Variants in COL4A4 observed in about 807,000 individuals in gnomAD.
COL4A4 encodes collagen alpha-4(IV) chain.
Under a neutral mutation model 192.9 loss-of-function variants are expected in COL4A4, and 105 were observed. The ratio of observed to expected loss-of-function variants is 0.54; its 90% CI spans 0.46 to 0.64. The LOEUF is 0.64. Ranked by LOEUF, COL4A4 falls within the 30% of genes least tolerant of loss-of-function variation. The pLI is 0.00. For synonymous variants in COL4A4, 762 were observed against 769.9 expected (o/e 0.99, Z 0.17); for missense variants, 1,967 against 2,169.3 (o/e 0.91, Z 1.85).
At chr2:227,047,210 G>C (rs1973080131) in intron 35 of COL4A4, among the ~76,000 whole-genome samples, 1 of 151,934 alleles carries the variant, frequency 6.6e-6, no homozygotes, top group Non-Finnish European at 1.5e-5. Context: ...GGCATGCCTG[G>C]GGAGTTTATT....
intron 1 of COL4A4, among the ~76,000 whole-genome samples, chr2:227,156,269 C>G (rs1014458181): frequency 1.3e-5 from 2 of 151,694 alleles, no homozygotes; most frequent in Non-Finnish European, 2.9e-5. Context: ...CTGGGTTGCA[C>G]GTGCCTGTAT....
the COL4A4 span, among the ~76,000 whole-genome samples, chr2:226,969,754 A>AT: frequency 6.6e-6 from 1 of 152,178 alleles, no homozygotes; most frequent in Non-Finnish European, 1.5e-5. Flanking sequence ...TTAAAAAGTT[A>AT]TTTTTTAAAT....
the COL4A4 span, chr2:226,996,140 T>C: frequency 1.3e-5 from 2 of 152,784 alleles, no homozygotes; most frequent in African/African-American, 2.4e-5. Context: ...TGAAGAAGTG[T>C]AAGAAAGACC....
intron 1 of COL4A4, among the ~76,000 whole-genome samples, chr2:227,149,600 A>G (rs541150115): frequency 6.6e-6 from 1 of 152,276 alleles, no homozygotes; most frequent in African/African-American, 2.4e-5. Flanking sequence ...GAAAACGCAA[A>G]TTTTTTGAAT....
intron 4 of COL4A4, among the ~76,000 whole-genome samples, chr2:227,129,784 C>T (rs1259587875): frequency 6.6e-6 from 1 of 152,152 alleles, no homozygotes; most frequent in Admixed American, 6.5e-5. Context: ...CTGTCTTGCA[C>T]AGTATAAATT....
At chr2:227,088,995 G>A (rs1221614610) in intron 21 of COL4A4, among the ~76,000 whole-genome samples, 179 bp from the exon 22 acceptor site, 2 of 152,198 alleles carry the variant, frequency 1.3e-5, no homozygotes, top group African/African-American at 4.8e-5. Context: ...TACATGGGGT[G>A]CCTAGGCATG....
chr2:227,135,420 T>C (rs2062749591), intron 4 of COL4A4, among the ~76,000 whole-genome samples: 1 of 152,222 alleles, frequency 6.6e-6, no homozygotes, highest in Non-Finnish European at 1.5e-5. Flanking sequence ...TGCTTATTTC[T>C]GACCCTACCT....
At chr2:227,047,659 G>A (rs141815494) in intron 34 of COL4A4, 110 bp from the exon 35 acceptor site, 43 of 723,864 alleles carry the variant, frequency 5.9e-5, no homozygotes, top group African/African-American at 5.2e-4. Context: ...GATATTTTAG[G>A]AGAGTGTTTT....
the COL4A4 span, among the ~76,000 whole-genome samples, chr2:226,993,917 A>G: frequency 2.6e-5 from 4 of 152,104 alleles, no homozygotes; most frequent in African/African-American, 9.7e-5. Context: ...AAAAGGTGCC[A>G]CTCTTGGGCA....
In COL4A4 at chr2:227,052,328, T is replaced by C. The variant is rs776605007; in HGVS notation, c.2945A>G (p.Asp982Gly). The change falls in exon 32 of 48, where the codon GAT becomes GGT. Residue 982 changes from aspartate to glycine, a missense_variant. Transcript: ENST00000396625. The part of the protein sequence containing the change: ...GTPGEPGPPG[D>G]DGFPGERGDK... ...ACCTCTTTCTCCTGGGAATCCATCA[T>C]CTCCAGGAGGTCCAGGTTCCCCAGG... 3.7e-6 allele frequency: 6 copies of C among 1,608,342 alleles called. No homozygotes were observed. The highest frequency in any genetic ancestry group is 5.1e-6 in the Non-Finnish European group (6 of 1,174,840).
rs1024093641 is a variant in COL4A4 at position 227,008,069 on chromosome 2, G to T, written c.4758C>A (p.Pro1586=). The T allele has an allele frequency of 6.2e-7, 1 of 1,614,054 alleles. No individual in the cohort carries two copies. The highest frequency in any genetic ancestry group is 2.2e-5 in the East Asian group (1 of 44,884). Residue 1586 remains proline, a synonymous_variant, in exon 47 of 48, where the codon CCC becomes CCA. Transcript: ENST00000396625. ...VAVHSQDQSI[P]PCPQTWRSLW... The stretch of plus-strand genomic sequence containing the variant: ...GGCTCCTCCAGGTCTGCGGACATGG[G>T]GGGATGGACTGGTCCTGGCTGTGCA...
intron 24 of COL4A4, among the ~76,000 whole-genome samples, chr2:227,079,232 C>CA (rs1169597543): frequency 1.3e-5 from 2 of 152,190 alleles, no homozygotes; most frequent in Non-Finnish European, 2.9e-5. Flanking sequence ...ATGTGGTCTA[C>CA]AACAGTCTTA....
intron 44 of COL4A4, among the ~76,000 whole-genome samples, chr2:227,021,720 G>C (rs1322329868): frequency 6.6e-6 from 1 of 152,180 alleles, no homozygotes; most frequent in Non-Finnish European, 1.5e-5. Context: ...AGCTACTCGG[G>C]AGGCTGAGGC....
chr2:227,024,851 T>C (rs953190304), intron 43 of COL4A4, among the ~76,000 whole-genome samples: 1 of 152,262 alleles, frequency 6.6e-6, no homozygotes, highest in Non-Finnish European at 1.5e-5. Flanking sequence ...CCATGAGTAA[T>C]GTCTGGCCCT....
Position 227,118,706 on chromosome 2 carries a change from C to T in COL4A4, c.428G>A (p.Gly143Asp). ...TGGAAACCCTGGGTCACCTCTTGAG[C>T]CATTGTGGCCACTCATACCAGGTTT... ...RGKPGMSGHN[G>D]SRGDPGFPGG... Residue 143 changes from glycine (G) to aspartate (D), a missense_variant, in exon 7 of 48, where the codon GGC becomes GAC. Coordinates refer to ENST00000396625, the MANE Select transcript of COL4A4 (RefSeq NM_000092.5). 2 of 1,614,026 alleles carry T rather than the reference C, an allele frequency of 1.2e-6. No homozygotes were observed. The highest frequency in any genetic ancestry group is 1.7e-6 in the Non-Finnish European group (2 of 1,180,008).
At chr2:227,085,678 C>A (rs930911426) in intron 22 of COL4A4, among the ~76,000 whole-genome samples, 4 of 152,120 alleles carry the variant, frequency 2.6e-5, no homozygotes, top group African/African-American at 9.7e-5. Flanking sequence ...CTTTGAACAA[C>A]CAGATCTCCT....
chr2:227,018,387 A>G (rs560768783), intron 44 of COL4A4, among the ~76,000 whole-genome samples: 1 of 152,346 alleles, frequency 6.6e-6, no homozygotes, highest in East Asian at 1.9e-4. Context: ...AGGGTTTGGC[A>G]TTAGGCCCTT....
At chr2:227,140,914 CACACACA>C (rs1559725905) in intron 3 of COL4A4, among the ~76,000 whole-genome samples, 11 of 150,926 alleles carry the variant, frequency 7.3e-5, no homozygotes, top group African/African-American at 2.2e-4. Flanking sequence ...CACACACACA[CACACACA>C]CCCTTTAGGA....
chr2:227,031,848 T>G, intron 40 of COL4A4, 97 bp downstream of exon 40: 1 of 898,874 alleles, frequency 1.1e-6, no homozygotes, highest in Non-Finnish European at 1.8e-6. Flanking sequence ...GCTGCTTCAG[T>G]GCTTCTATTC....
Sources: gnomAD v4.1 joint callset for allele counts (sites outside exome capture counted in the v4.1 genomes callset) on GRCh38, gnomAD v4.1.1 for gene constraint, MANE v1.5 for transcripts, NCBI Gene and HGNC (gene_info 2026-07-23, HGNC 2026-07-21) for gene names.